Variants in ACACB observed in about 807,000 individuals in gnomAD.
ACACB encodes the protein acetyl-CoA carboxylase 2.
ACACB carries 209 observed loss-of-function variants against 278.8 expected under a neutral mutation model. That is an observed-to-expected ratio of 0.75 (90% confidence interval 0.67 to 0.84). ACACB has a LOEUF of 0.84. Ranked by LOEUF, ACACB falls within the 40% of genes least tolerant of loss-of-function variation. The probability of loss-of-function intolerance (pLI) is 0.00; values close to 1 mark genes in which losing one functional copy is unlikely to be tolerated. For missense variants in ACACB, 2,850 were observed against 3,269.0 expected (o/e 0.87, Z 3.13); for synonymous variants, 1,174 against 1,285.6 (o/e 0.91, Z 1.86).
At chr12:109,136,002 G>C (rs2042958429) in intron 1 of ACACB, among the ~76,000 whole-genome samples, 1 of 151,656 alleles carries the variant, frequency 6.6e-6, no homozygotes, top group Non-Finnish European at 1.5e-5. Flanking sequence ...TAGTAGAGAT[G>C]GGGTTTCACC....
intron 4 of ACACB, among the ~76,000 whole-genome samples, chr12:109,169,395 C>T (rs2044031020): frequency 6.6e-6 from 1 of 152,154 alleles, no homozygotes; most frequent in Non-Finnish European, 1.5e-5. Flanking sequence ...GTCACACAAC[C>T]ATCATGTGAT....
At chr12:109,257,045 G>A (rs754545025) in intron 45 of ACACB, among the ~76,000 whole-genome samples, 9 of 152,140 alleles carry the variant, frequency 5.9e-5, no homozygotes, top group Non-Finnish European at 1.0e-4. Context: ...AGGCCAAGGC[G>A]GGTGGATCAC....
chr12:109,163,329 C>T (rs901235993), intron 2 of ACACB, among the ~76,000 whole-genome samples: 1 of 152,164 alleles, frequency 6.6e-6, no homozygotes, highest in Non-Finnish European at 1.5e-5. Context: ...AAAAAGCTCT[C>T]ATTAATATCA....
chr12:109,176,088 T>C (rs1163280045), intron 8 of ACACB, 48 bp downstream of exon 8: 1 of 1,609,972 alleles, frequency 6.2e-7, no homozygotes, highest in Non-Finnish European at 8.5e-7. Context: ...CCGAACTGCC[T>C]CTGTCCTGGT....
chr12:109,120,708 G>A (rs142297530), intron 1 of ACACB, among the ~76,000 whole-genome samples: 4 of 152,268 alleles, frequency 2.6e-5, no homozygotes, highest in African/African-American at 4.8e-5. Context: ...AATGGTGGGC[G>A]TAGGGGAAGG....
intron 18 of ACACB, among the ~76,000 whole-genome samples, 191 bp downstream of exon 18, chr12:109,199,743 G>T (rs992716754): frequency 1.1e-4 from 17 of 152,216 alleles, no homozygotes; most frequent in African/African-American, 3.4e-4. Context: ...GCTGGGCGTG[G>T]TGGTTCACGC....
chr12:109,252,036 C>G lies in ACACB; in HGVS notation c.5791-10C>G. 2 of 1,603,742 alleles carry G rather than the reference C, an allele frequency of 1.2e-6. No individual in the cohort carries two copies. Among genetic ancestry groups the G allele is most frequent in the Non-Finnish European group, 1.7e-6 (2 of 1,174,980 alleles). On this transcript the variant is annotated splice_polypyrimidine_tract_variant and intron_variant, in intron 41 of 52. Coordinates refer to ENST00000338432, the MANE Select transcript of ACACB (RefSeq NM_001093.4). Reference sequence around the variant, plus strand: ...CTCTCCAGAATTCAGAGGGGGTCCTCTCTCCACAGGTGACCTGCCGAGCCA... The same window carrying G: ...CTCTCCAGAATTCAGAGGGGGTCCTGTCTCCACAGGTGACCTGCCGAGCCA...
intron 2 of ACACB, among the ~76,000 whole-genome samples, chr12:109,149,608 A>G (rs1470920179): frequency 6.6e-6 from 1 of 152,160 alleles, no homozygotes; most frequent in Non-Finnish European, 1.5e-5. Flanking sequence ...TTAATTTAGA[A>G]CCATTTTCTC....
chr12:109,114,490 G>A (rs34261), upstream of ACACB, among the ~76,000 whole-genome samples: 32,475 of 151,948 alleles, frequency 0.21, 3,542 homozygotes, highest in African/African-American at 0.25. Context: ...GGTCCGGTTT[G>A]CAGCAGGACT....
intron 17 of ACACB, among the ~76,000 whole-genome samples, chr12:109,197,695 G>A (rs1037659928): frequency 1.3e-5 from 2 of 152,080 alleles, no homozygotes; most frequent in African/African-American, 4.8e-5. Context: ...TTGTGAGATA[G>A]TGAGATAGGC....
In ACACB at chr12:109,222,860, T is replaced by C; in HGVS notation, c.3740T>C (p.Phe1247Ser). ...ELRHNQVESI[F>S]LSAIDMYGHQ... ...CGGCATAACCAGGTGGAGTCCATTT[T>C]CCTGTCTGCCATTGACATGTACGGC... Residue 1247 changes from phenylalanine (F) to serine (S), a missense_variant, in exon 26 of 53, where the codon TTC becomes TCC. By Grantham distance (155) the Phe-to-Ser change is radical. This residue lies in a region of ACACB where 2,265 missense variants were observed against 2,561.3 expected (regional missense o/e 0.88). Transcript: ENST00000338432. The C allele has an allele frequency of 1.2e-6, 2 of 1,613,956 alleles. No homozygotes were observed. Among genetic ancestry groups the C allele is most frequent in the Non-Finnish European group, 1.7e-6 (2 of 1,179,942 alleles).
intron 10 of ACACB, 107 bp from the exon 11 acceptor site, chr12:109,179,810 T>G (rs2044405019): frequency 7.6e-7 from 1 of 1,313,750 alleles, no homozygotes; most frequent in Non-Finnish European, 1.0e-6. Flanking sequence ...ATATTTCACA[T>G]GTAGCAGGTG....
At position 109,245,682 on chromosome 12, in the gene ACACB, C is replaced by T; in HGVS notation, c.5235C>T (p.Tyr1745=). 1.2e-6 allele frequency: 2 copies of T among 1,614,182 alleles called. No individual in the cohort carries two copies. Among genetic ancestry groups the T allele is most frequent in the Non-Finnish European group, 8.5e-7 (1 of 1,180,016 alleles). The change falls in exon 38 of 53, where the codon TAC becomes TAT. Residue 1745 remains tyrosine, a synonymous_variant. Coordinates refer to ENST00000338432, the MANE Select transcript of ACACB (RefSeq NM_001093.4). Reference sequence around the variant, plus strand: ...AGTATCCCAAAGACATCCTGACATACACTGAATTAGTGTTGGACTCTCAGG... The same window carrying T: ...AGTATCCCAAAGACATCCTGACATATACTGAATTAGTGTTGGACTCTCAGG... ...PDKYPKDILT[Y]TELVLDSQGQ...
At chr12:109,188,437 C>G (rs1488337993) in intron 13 of ACACB, among the ~76,000 whole-genome samples, 1 of 144,760 alleles carries the variant, frequency 6.9e-6, no homozygotes, top group African/African-American at 2.6e-5. Flanking sequence ...TTCCTCCTCC[C>G]CTTCCCTTCT....
At chr12:109,246,131 C>A in intron 38 of ACACB, 48 bp from the exon 39 acceptor site, 1 of 1,554,680 alleles carries the variant, frequency 6.4e-7, no homozygotes, top group Non-Finnish European at 8.7e-7. Flanking sequence ...AAAAGTTTTC[C>A]CCCAAAGAAA....
intron 1 of ACACB, among the ~76,000 whole-genome samples, chr12:109,118,041 C>T (rs1289391169): frequency 6.6e-6 from 1 of 152,154 alleles, no homozygotes; most frequent in East Asian, 1.9e-4. Flanking sequence ...TGAGCCACCG[C>T]GCCTGGCCAA....
At chr12:109,137,102 G>GT (rs545420222) in intron 1 of ACACB, among the ~76,000 whole-genome samples, 4 of 151,940 alleles carry the variant, frequency 2.6e-5, no homozygotes, top group African/African-American at 7.3e-5. Flanking sequence ...TGATCATGTG[G>GT]TTTTTTTCCC....
intron 44 of ACACB, 118 bp downstream of exon 44, chr12:109,254,452 C>T: frequency 9.8e-7 from 1 of 1,021,294 alleles, no homozygotes; most frequent in Non-Finnish European, 1.4e-6. Flanking sequence ...TTCTCATATC[C>T]CAGAGAGGTA....
intron 1 of ACACB, among the ~76,000 whole-genome samples, chr12:109,123,381 A>G (rs755013829): frequency 6.0e-5 from 9 of 151,142 alleles, no homozygotes; most frequent in Non-Finnish European, 8.9e-5. Context: ...TTGTTTGTTT[A>G]TTTGTTTGTT....
Sources: gnomAD v4.1 joint callset for allele counts (sites outside exome capture counted in the v4.1 genomes callset) on GRCh38, gnomAD v4.1.1 for gene constraint, gnomAD v4.1.1 regional missense constraint, MANE v1.5 for transcripts, NCBI Gene and HGNC (gene_info 2026-07-23, HGNC 2026-07-21) for gene names.